The following MTMR12 variants were observed in gnomAD, a reference collection of about 807,000 sequenced individuals.
MTMR12 encodes myotubularin-related protein 12.
MTMR12 carries 33 observed loss-of-function variants against 96.7 expected under a neutral mutation model. The ratio of observed to expected loss-of-function variants is 0.34; its 90% CI spans 0.26 to 0.46. The LOEUF is 0.46. Among genes scored for constraint, MTMR12 ranks in the 20% least tolerant of loss-of-function variants. The probability of loss-of-function intolerance (pLI) is 1.00; values close to 1 mark genes in which losing one functional copy is unlikely to be tolerated. For missense variants in MTMR12, 721 were observed against 896.1 expected, an observed-to-expected ratio of 0.80 and a Z score of 2.49; for synonymous variants, 298 against 327.2, an observed-to-expected ratio of 0.91 and a Z score of 0.96.
At position 32,233,455 on chromosome 5, in the gene MTMR12, AACACACACACACACACAAACACAC is replaced by A. The variant is rs1242655577; in HGVS notation, c.1674+294_1674+317del. ...CAATCAATGTTCCTTTTACTCTACT[AACACACACACACACACAAACACAC>A]ACACACACACACACACACAGGCAGG... On this transcript the variant is annotated intron_variant, in intron 15 of 15. Transcript: ENST00000382142. The surrounding 1 kb of genome is among the most constrained non-coding windows in gnomAD (Gnocchi z 5.0). 1.4e-5 allele frequency among the ~76,000 whole-genome samples: 2 copies of A among 147,858 alleles called. No individual in the cohort carries two copies. The highest frequency in any genetic ancestry group is 5.1e-5 in the African/African-American group (2 of 38,918).
intron 1 of MTMR12, chr5:32,296,423 G>A (rs1451003739): frequency 6.3e-6 from 2 of 317,944 alleles, no homozygotes; most frequent in South Asian, 4.6e-5. Flanking sequence ...AGGCTGGAGT[G>A]AGCTGAGATC....
intron 1 of MTMR12, among the ~76,000 whole-genome samples, chr5:32,306,473 A>G (rs1338619944): frequency 2.0e-5 from 3 of 152,180 alleles, no homozygotes; most frequent in Non-Finnish European, 4.4e-5. Context: ...TCCTGACCAA[A>G]AGAAATGGCC....
intron 7 of MTMR12, among the ~76,000 whole-genome samples, chr5:32,262,479 T>C (rs1162471597): frequency 6.6e-6 from 1 of 152,088 alleles, no homozygotes; most frequent in African/African-American, 2.4e-5. Context: ...TGCACGCCTG[T>C]GGTCCCAGCT....
chr5:32,260,221 C>T (rs1749308990), intron 7 of MTMR12, among the ~76,000 whole-genome samples: 1 of 151,346 alleles, frequency 6.6e-6, no homozygotes, highest in South Asian at 2.1e-4. Flanking sequence ...CCATGAAGGG[C>T]CTTGAGAGTG....
intron 1 of MTMR12, among the ~76,000 whole-genome samples, chr5:32,293,511 G>C (rs900029702): frequency 1.3e-5 from 2 of 152,094 alleles, no homozygotes; most frequent in Non-Finnish European, 2.9e-5. Flanking sequence ...AGCCTGTTGT[G>C]GGACCCTGTG....
chr5:32,300,858 T>C (rs1051530638), intron 1 of MTMR12, among the ~76,000 whole-genome samples: 1 of 152,186 alleles, frequency 6.6e-6, no homozygotes, highest in African/African-American at 2.4e-5. Context: ...GTAAATCACC[T>C]GAGGTCAGAA....
chr5:32,255,100 T>G (rs896891293), intron 8 of MTMR12, among the ~76,000 whole-genome samples: 1 of 152,206 alleles, frequency 6.6e-6, no homozygotes, highest in Non-Finnish European at 1.5e-5. Context: ...GGAGTGACCC[T>G]TTTGGTGAAC....
chr5:32,229,956 T>G lies in MTMR12; in HGVS notation c.2066A>C (p.Gln689Pro), dbSNP rs549727876. The G allele has an allele frequency of 6.2e-7, 1 of 1,612,130 alleles. No individual in the cohort carries two copies. Among genetic ancestry groups the G allele is most frequent in the Non-Finnish European group, 8.5e-7 (1 of 1,178,870 alleles). ...DERHHSQQAP[Q>P]AEAPCLLRNS... The stretch of plus-strand genomic sequence containing the variant: ...CCTCAGCAGGCAGGGGGCCTCAGCC[T>G]GGGGGGCCTGCTGGCTGTGGTGTCT... The change falls in exon 16 of 16, where the codon CAG becomes CCG. Residue 689 changes from glutamine to proline, a missense_variant. Physicochemically the swap from Gln to Pro is moderately conservative, Grantham distance 76. Coordinates refer to ENST00000382142, the MANE Select transcript of MTMR12 (RefSeq NM_001040446.3).
At chr5:32,307,978 C>CAGGT (rs1411644369) in intron 1 of MTMR12, among the ~76,000 whole-genome samples, 1 of 152,188 alleles carries the variant, frequency 6.6e-6, no homozygotes, top group Non-Finnish European at 1.5e-5. Flanking sequence ...TACCAACAAA[C>CAGGT]AGGTGTCTAA....
chr5:32,276,808 T>C (rs2112095457), intron 1 of MTMR12, 66 bp from the exon 2 acceptor site: 3 of 1,335,270 alleles, frequency 2.2e-6, no homozygotes, highest in Non-Finnish European at 1.1e-6. Flanking sequence ...CATTAAGCCA[T>C]GCTTTCAGAA....
chr5:32,255,013 G>A (rs773487440), intron 8 of MTMR12, among the ~76,000 whole-genome samples: 2 of 152,110 alleles, frequency 1.3e-5, no homozygotes, highest in African/African-American at 2.4e-5. Flanking sequence ...TTCACCACAA[G>A]GTCATACTCA....
At chr5:32,248,565 A>G (rs973847565) in intron 9 of MTMR12, among the ~76,000 whole-genome samples, 13 of 152,170 alleles carry the variant, frequency 8.5e-5, no homozygotes, top group African/African-American at 3.1e-4. Flanking sequence ...TTTAGCGTGC[A>G]CCTCTAAAAA....
intron 13 of MTMR12, among the ~76,000 whole-genome samples, chr5:32,235,945 C>T (rs956633902): frequency 6.6e-6 from 1 of 152,138 alleles, no homozygotes; most frequent in Admixed American, 6.5e-5. Flanking sequence ...GCCTGGAGGC[C>T]GGTCCCCAGG....
In MTMR12 at chr5:32,291,803, G is replaced by A. The variant is rs147512692; in HGVS notation, c.82-15061C>T. ...CAGCAGTGACCAACACTGAGCCCTCGATATGGCACCATTCCTCAGGGCGAT... is the reference window on the plus strand; with the variant it reads ...CAGCAGTGACCAACACTGAGCCCTCAATATGGCACCATTCCTCAGGGCGAT... On this transcript the variant is annotated intron_variant, in intron 1 of 15. Coordinates refer to ENST00000382142, the MANE Select transcript of MTMR12 (RefSeq NM_001040446.3). Among the ~76,000 whole-genome samples the A allele has an allele frequency of 7.2e-3, 1,096 of 152,292 alleles. 13 individuals are homozygous for A. The highest frequency in any genetic ancestry group is 0.025 in the African/African-American group (1,033 of 41,558).
At chr5:32,292,812 A>G (rs1157232759) in intron 1 of MTMR12, among the ~76,000 whole-genome samples, 1 of 152,260 alleles carries the variant, frequency 6.6e-6, no homozygotes, top group Non-Finnish European at 1.5e-5. Context: ...GGAATACAGA[A>G]TAAGTAGTAG....
intron 10 of MTMR12, among the ~76,000 whole-genome samples, chr5:32,244,821 T>C (rs2112011461): frequency 6.6e-6 from 1 of 152,272 alleles, no homozygotes; most frequent in East Asian, 1.9e-4. Context: ...ATAGTTAATA[T>C]ATACAAGGGG....
At chr5:32,303,579 A>G (rs1751230359) in intron 1 of MTMR12, among the ~76,000 whole-genome samples, 1 of 152,220 alleles carries the variant, frequency 6.6e-6, no homozygotes, top group Non-Finnish European at 1.5e-5. Context: ...CATAGCACTC[A>G]TCCATCATAA....
At chr5:32,299,383 G>A (rs1751046470) in intron 1 of MTMR12, among the ~76,000 whole-genome samples, 1 of 152,202 alleles carries the variant, frequency 6.6e-6, no homozygotes, top group South Asian at 2.1e-4. Flanking sequence ...AGTAAAGATT[G>A]TTGTGCTGGG....
intron 1 of MTMR12, among the ~76,000 whole-genome samples, chr5:32,306,470 C>T (rs910037693): frequency 5.3e-5 from 8 of 151,978 alleles, no homozygotes; most frequent in South Asian, 2.1e-4. Context: ...TTCTCCTGAC[C>T]AAAAGAAATG....
Sources: gnomAD v4.1 joint callset for allele counts (sites outside exome capture counted in the v4.1 genomes callset) on GRCh38, gnomAD v4.1.1 for gene constraint, Gnocchi (gnomAD v3.1) non-coding constraint, MANE v1.5 for transcripts, NCBI Gene and HGNC (gene_info 2026-07-23, HGNC 2026-07-21) for gene names.